Variants in LRRC4C observed in about 807,000 individuals in gnomAD.
LRRC4C encodes the protein leucine-rich repeat-containing protein 4C.
A neutral mutation model predicts 33.6 loss-of-function variants in LRRC4C; 5 were observed. That is an observed-to-expected ratio of 0.15 (90% confidence interval 0.08 to 0.31). LRRC4C has a LOEUF of 0.31. Ranked by LOEUF, LRRC4C falls within the 10% of genes least tolerant of loss-of-function variation. LRRC4C has a pLI of 1.00. For synonymous variants in LRRC4C, 329 were observed against 302.0 expected (o/e 1.09, Z -0.93); for missense variants, 560 against 796.7 (o/e 0.70, Z 3.58).
intron 1 of LRRC4C, among the ~76,000 whole-genome samples, chr11:41,241,048 G>C (rs754149189): frequency 6.6e-6 from 1 of 152,068 alleles, no homozygotes; most frequent in Non-Finnish European, 1.5e-5. Flanking sequence ...ACAAACTATG[G>C]TAAGTTATTA....
intron 1 of LRRC4C, among the ~76,000 whole-genome samples, chr11:41,256,752 A>G (rs891649405): frequency 2.1e-4 from 32 of 152,102 alleles, no homozygotes; most frequent in Non-Finnish European, 4.3e-4. Flanking sequence ...CACCCTGAAA[A>G]TCTACAACAA....
chr11:41,162,111 A>G (rs565534593), intron 1 of LRRC4C, among the ~76,000 whole-genome samples: 2 of 152,176 alleles, frequency 1.3e-5, no homozygotes, highest in East Asian at 3.9e-4. Context: ...GAAATACAAT[A>G]TTTCTTCTTT....
chr11:41,028,457 T>C (rs1016428218), intron 1 of LRRC4C, among the ~76,000 whole-genome samples: 1 of 151,608 alleles, frequency 6.6e-6, no homozygotes, highest in African/African-American at 2.4e-5. Flanking sequence ...CTCAGAATTA[T>C]TGCAATTTCA....
intron 1 of LRRC4C, among the ~76,000 whole-genome samples, chr11:41,367,529 A>G (rs1281442311): frequency 6.6e-6 from 1 of 152,212 alleles, no homozygotes; most frequent in African/African-American, 2.4e-5. Flanking sequence ...CTCAAATTTT[A>G]GTTCGGAATC....
At chr11:40,776,055 G>A (rs1285148380) in intron 2 of LRRC4C, among the ~76,000 whole-genome samples, 2 of 151,972 alleles carry the variant, frequency 1.3e-5, no homozygotes, top group Admixed American at 6.6e-5. Context: ...TCTTAATTCT[G>A]TATATGTGGT....
intron 5 of LRRC4C, among the ~76,000 whole-genome samples, chr11:40,177,272 C>T (rs1043778934): frequency 5.3e-5 from 8 of 152,042 alleles, no homozygotes; most frequent in African/African-American, 1.7e-4. Context: ...CTTTTTTCAA[C>T]AAAATGATGA....
At chr11:40,480,137 G>A (rs1002650921) in intron 3 of LRRC4C, among the ~76,000 whole-genome samples, 1 of 152,024 alleles carries the variant, frequency 6.6e-6, no homozygotes, top group Non-Finnish European at 1.5e-5. Context: ...TAAGCAGAGA[G>A]GTTCTTTCCT....
intron 3 of LRRC4C, among the ~76,000 whole-genome samples, chr11:40,616,945 A>C (rs1297430122): frequency 3.3e-5 from 5 of 151,592 alleles, no homozygotes. Flanking sequence ...AAAGAAAGAG[A>C]ATATCATGTT....
At chr11:40,703,032 G>A (rs1367137932) in intron 2 of LRRC4C, among the ~76,000 whole-genome samples, 2 of 151,986 alleles carry the variant, frequency 1.3e-5, no homozygotes, top group Non-Finnish European at 2.9e-5. Flanking sequence ...ATAAAGTTAA[G>A]AAATACAGAA....
At chr11:40,824,114 A>C (rs1408736537) in intron 2 of LRRC4C, among the ~76,000 whole-genome samples, 1 of 151,862 alleles carries the variant, frequency 6.6e-6, no homozygotes, top group East Asian at 1.9e-4. Flanking sequence ...ACAGAAAACA[A>C]ATCTATAGTT....
At chr11:40,677,489 T>C (rs2136307577) in intron 2 of LRRC4C, among the ~76,000 whole-genome samples, 1 of 152,284 alleles carries the variant, frequency 6.6e-6, no homozygotes, top group East Asian at 1.9e-4. Flanking sequence ...TAAAAGCATG[T>C]CTGGACCTGA....
intron 3 of LRRC4C, among the ~76,000 whole-genome samples, chr11:40,334,393 G>A (rs1262668560): frequency 6.6e-6 from 1 of 151,988 alleles, no homozygotes; most frequent in African/African-American, 2.4e-5. Flanking sequence ...GTTTGAGAAG[G>A]TTGAGAAGAT....
At chr11:40,538,081 A>G (rs1455795530) in intron 3 of LRRC4C, among the ~76,000 whole-genome samples, 1 of 152,138 alleles carries the variant, frequency 6.6e-6, no homozygotes, top group African/African-American at 2.4e-5. Flanking sequence ...TTGGAAGCAT[A>G]GGGGGAGTTT....
chr11:41,277,807 A>G (rs1391613413), intron 1 of LRRC4C, among the ~76,000 whole-genome samples: 1 of 152,072 alleles, frequency 6.6e-6, no homozygotes, highest in Non-Finnish European at 1.5e-5. Flanking sequence ...AGTAACTTGA[A>G]TATTCTACCA....
intron 4 of LRRC4C, among the ~76,000 whole-genome samples, chr11:40,263,764 T>C (rs978903958): frequency 6.6e-6 from 1 of 152,186 alleles, no homozygotes; most frequent in Non-Finnish European, 1.5e-5. Context: ...TGACAGAATG[T>C]GAGCATAACT....
chr11:40,294,750 C>T (rs1461897552), intron 4 of LRRC4C, among the ~76,000 whole-genome samples: 1 of 152,072 alleles, frequency 6.6e-6, no homozygotes, highest in Non-Finnish European at 1.5e-5. Flanking sequence ...TTGCTTGAAC[C>T]CGGGAGACGG....
At chr11:40,605,831 C>T (rs930347313) in intron 3 of LRRC4C, among the ~76,000 whole-genome samples, 1 of 152,174 alleles carries the variant, frequency 6.6e-6, no homozygotes, top group African/African-American at 2.4e-5. Flanking sequence ...ATGAGAGAAG[C>T]CTCCCAACTC....
intron 1 of LRRC4C, among the ~76,000 whole-genome samples, chr11:41,034,555 A>G (rs1411962316): frequency 1.4e-5 from 2 of 139,856 alleles, no homozygotes; most frequent in African/African-American, 2.8e-5. Flanking sequence ...ATTGGCTAAA[A>G]CTTCCTTTTA....
intron 3 of LRRC4C, among the ~76,000 whole-genome samples, chr11:40,540,701 T>C (rs1479001597): frequency 6.6e-6 from 1 of 152,190 alleles, no homozygotes; most frequent in Non-Finnish European, 1.5e-5. Context: ...TTCTTGTTCA[T>C]CTAGTACCCC....
Sources: allele counts gnomAD v4.1 joint callset (sites outside exome capture counted in the v4.1 genomes callset), GRCh38; gene constraint gnomAD v4.1.1; transcripts MANE v1.5; gene names NCBI Gene and HGNC (gene_info 2026-07-23, HGNC 2026-07-21).